The following VAPA variants were observed in gnomAD, a reference collection of about 807,000 sequenced individuals.
The protein encoded by VAPA is vesicle-associated membrane protein-associated protein A.
VAPA carries 6 observed loss-of-function variants against 25.6 expected under a neutral mutation model. The ratio of observed to expected loss-of-function variants is 0.23; its 90% CI spans 0.13 to 0.46. The LOEUF is 0.46. VAPA is among the 20% of genes least tolerant of loss of function. VAPA has a pLI of 0.99. For synonymous variants in VAPA, 112 were observed against 106.2 expected (o/e 1.05, Z -0.34); for missense variants, 244 against 302.1 (o/e 0.81, Z 1.43).
In VAPA at chr18:9,956,766, GCTTA is replaced by G. The variant is rs956510756; in HGVS notation, c.*2559_*2562del. On this transcript the variant is annotated 3_prime_UTR_variant, in exon 6 of 6. Coordinates refer to ENST00000400000, the MANE Select transcript of VAPA (RefSeq NM_194434.3). The stretch of plus-strand genomic sequence containing the variant: ...TTAGAAGTTTTTGCTTTGTCTGCCT[GCTTA>G]CTTGTATATGTAAGCATGAGGGAAA... The G allele has an allele frequency of 9.8e-5, 15 of 152,522 alleles. No individual in the cohort carries two copies. The highest frequency in any genetic ancestry group is 3.9e-4 in the Admixed American group (6 of 15,300). 9.4% of individuals were successfully genotyped at this position (152,522 alleles called of 1,614,324 possible). A position where few individuals can be genotyped will look rare whatever the true frequency, so the allele number is the denominator to read the frequency against.
chr18:9,923,587 C>T (rs942096649), intron 1 of VAPA, among the ~76,000 whole-genome samples: 23 of 151,046 alleles, frequency 1.5e-4, no homozygotes, highest in African/African-American at 5.6e-4. Flanking sequence ...CATGGAGTGA[C>T]TGTCATACTT....
chr18:9,951,139 A>C (rs978921500), intron 5 of VAPA: 1 of 152,324 alleles, frequency 6.6e-6, no homozygotes, highest in African/African-American at 2.4e-5. Context: ...TTAACTTTAC[A>C]TACGGGGCTC....
chr18:9,914,350 GA>G lies in VAPA; in HGVS notation c.79+16del, dbSNP rs757223376. 11 of 1,568,732 alleles carry G rather than the reference GA, an allele frequency of 7.0e-6. No individual in the cohort carries two copies. In the South Asian group the frequency reaches 1.3e-4, roughly 18 times the overall value. On this transcript the variant is annotated intron_variant, in intron 1 of 5. Transcript: ENST00000400000. ...CAAATTCAAAGGTAGGCAGAACGGG[GA>G]CACCCCCGGGTGGGGTGGGGCGCGC... is the stretch of plus-strand genomic sequence containing the variant.
At chr18:9,932,700 CTTTCTT>C (rs1357027354) in intron 2 of VAPA, among the ~76,000 whole-genome samples, 1 of 152,200 alleles carries the variant, frequency 6.6e-6, no homozygotes, top group Non-Finnish European at 1.5e-5. Context: ...TGCATTTACT[CTTTCTT>C]TACAGCAGTA....
intron 4 of VAPA, among the ~76,000 whole-genome samples, chr18:9,942,926 C>T (rs2069381160): frequency 6.6e-6 from 1 of 152,296 alleles, no homozygotes; most frequent in South Asian, 2.1e-4. Context: ...GACACAGATC[C>T]AAACCATATC....
chr18:9,957,850 G>C lies in VAPA; in HGVS notation c.*3639G>C, dbSNP rs1047073173. 6.6e-6 allele frequency: 1 copy of C among 152,196 alleles called. No homozygotes were observed. The highest frequency in any genetic ancestry group is 1.5e-5 in the Non-Finnish European group (1 of 68,030). The allele number at this position is 152,196 out of a possible 1,614,324, so 9.4% of individuals were successfully genotyped here. A position where few individuals can be genotyped will look rare whatever the true frequency, so the allele number is the denominator to read the frequency against. On this transcript the variant is annotated 3_prime_UTR_variant, in exon 6 of 6. Transcript: ENST00000400000. Reference sequence around the variant, plus strand: ...GTGAGATGGAGTTAACTATTTTTTAGTAGGAAGTGAGAACAGCTGATTTTC... The same window carrying C: ...GTGAGATGGAGTTAACTATTTTTTACTAGGAAGTGAGAACAGCTGATTTTC...
At chr18:9,922,076 C>G (rs549550581) in intron 1 of VAPA, among the ~76,000 whole-genome samples, 1 of 152,056 alleles carries the variant, frequency 6.6e-6, no homozygotes, top group Non-Finnish European at 1.5e-5. Context: ...CTCCAGGGCC[C>G]AAGCGATCCT....
chr18:9,919,851 C>G (rs945090608), intron 1 of VAPA, among the ~76,000 whole-genome samples: 7 of 152,086 alleles, frequency 4.6e-5, no homozygotes, highest in African/African-American at 1.7e-4. Context: ...ATTCTGGTAG[C>G]AATGTAAAAT....
intron 1 of VAPA, among the ~76,000 whole-genome samples, chr18:9,920,310 A>AT (rs938955671): frequency 1.5e-4 from 23 of 151,176 alleles, no homozygotes; most frequent in Non-Finnish European, 3.4e-4. Flanking sequence ...TCTTTCTTTC[A>AT]TTTTTTTCTT....
intron 4 of VAPA, among the ~76,000 whole-genome samples, chr18:9,940,681 C>G (rs2069357832): frequency 6.6e-6 from 1 of 152,106 alleles, no homozygotes; most frequent in Non-Finnish European, 1.5e-5. Flanking sequence ...TTCTATGAAC[C>G]AGCTGAAGTG....
At chr18:9,915,982 G>A (rs1043286282) in intron 1 of VAPA, among the ~76,000 whole-genome samples, 2 of 151,314 alleles carry the variant, frequency 1.3e-5, no homozygotes, top group African/African-American at 4.8e-5. Flanking sequence ...TCTGTATGGT[G>A]TGTTTTTTTT....
chr18:9,951,425 T>C (rs2069489256), intron 5 of VAPA: 1 of 152,272 alleles, frequency 6.6e-6, no homozygotes, highest in Non-Finnish European at 1.5e-5. Flanking sequence ...CTACTGCTCT[T>C]ACTTGTTAGA....
At chr18:9,945,182 C>G in intron 4 of VAPA, 1 of 1,120,970 alleles carries the variant, frequency 8.9e-7, no homozygotes, top group Non-Finnish European at 1.3e-6. Context: ...TTGAACTATG[C>G]CTAAAATTAC....
Position 9,954,614 on chromosome 18 carries a change from C to G in VAPA, c.*403C>G, listed in dbSNP as rs2069525456. ...AATATGATTTATTTAGATTGCTAAT[C>G]CCACTCATTCAGGAAATGCCAAGAG... is the stretch of plus-strand genomic sequence containing the variant. On this transcript the variant is annotated 3_prime_UTR_variant, in exon 6 of 6. Transcript: ENST00000400000. The G allele has an allele frequency of 6.4e-6, 1 of 156,904 alleles. No homozygotes were observed. 9.7% of individuals were successfully genotyped at this position (156,904 alleles called of 1,614,324 possible).
chr18:9,945,031 CAG>C (rs760939288), intron 4 of VAPA: 3 of 1,614,106 alleles, frequency 1.9e-6, no homozygotes, highest in South Asian at 1.1e-5. Flanking sequence ...CCAGGGGACT[CAG>C]TGTGTTGAAA....
chr18:9,916,251 T>G (rs1216807064), intron 1 of VAPA, among the ~76,000 whole-genome samples: 2 of 152,204 alleles, frequency 1.3e-5, no homozygotes, highest in Non-Finnish European at 2.9e-5. Flanking sequence ...TTTCCTTTTT[T>G]GGGGGTGTTG....
At chr18:9,935,107 A>C (rs1030340541) in intron 2 of VAPA, among the ~76,000 whole-genome samples, 2 of 151,798 alleles carry the variant, frequency 1.3e-5, no homozygotes, top group Admixed American at 6.6e-5. Context: ...AAAAAAAAAA[A>C]AAAAAACTTA....
In VAPA at chr18:9,943,841, C is replaced by CTTTTTT. The variant is rs71169911; in HGVS notation, c.418-6522_418-6517dup. 2.7e-3 allele frequency among the ~76,000 whole-genome samples: 139 copies of CTTTTTT among 51,768 alleles called. 36 individuals are homozygous for CTTTTTT. Among genetic ancestry groups the CTTTTTT allele is most frequent in the Admixed American group, 3.7e-3 (12 of 3,264 alleles). 34.0% of individuals were successfully genotyped at this position (51,768 alleles called of 152,430 possible). A position where few individuals can be genotyped will look rare whatever the true frequency, so the allele number is the denominator to read the frequency against. On this transcript the variant is annotated intron_variant, in intron 4 of 5. Coordinates refer to ENST00000400000, the MANE Select transcript of VAPA (RefSeq NM_194434.3). ...TGACATTTGAAGGTGACATATTTCC[C>CTTTTTT]TTTTTTTTTTTTTTTTTTTTTTTTT...
At chr18:9,914,484 C>G (rs1261006661) in intron 1 of VAPA, 149 bp downstream of exon 1, 13 of 591,538 alleles carry the variant, frequency 2.2e-5, no homozygotes, top group Non-Finnish European at 3.4e-5. Flanking sequence ...CGGCTGCTTT[C>G]TTGCCGCCAC....
Sources: gnomAD v4.1 joint callset for allele counts (sites outside exome capture counted in the v4.1 genomes callset) on GRCh38, gnomAD v4.1.1 for gene constraint, MANE v1.5 for transcripts, NCBI Gene and HGNC (gene_info 2026-07-23, HGNC 2026-07-21) for gene names.